Variants in WWOX observed in about 807,000 individuals in gnomAD.
The protein encoded by WWOX is WW domain-containing oxidoreductase.
In WWOX, 69 loss-of-function variants were observed where a neutral mutation model predicts 46.2. That is an observed-to-expected ratio of 1.49 (90% CI 1.23 to 1.82). The LOEUF (loss-of-function observed/expected upper bound fraction) is 1.82. WWOX is among the 40% of genes most tolerant of loss of function. WWOX has a pLI of 0.00. For missense variants in WWOX, 919 were observed against 542.6 expected (o/e 1.69, Z -6.89); for synonymous variants, 359 against 202.6 (o/e 1.77, Z -6.56).
intron 8 of WWOX, among the ~76,000 whole-genome samples, chr16:78,571,381 A>T (rs1348459402): frequency 1.3e-5 from 2 of 152,184 alleles, no homozygotes; most frequent in East Asian, 3.8e-4. Flanking sequence ...ATATATATAT[A>T]GTGTGCATTA....
intron 8 of WWOX, among the ~76,000 whole-genome samples, chr16:78,680,580 G>A: frequency 6.6e-6 from 1 of 152,100 alleles, no homozygotes. Flanking sequence ...ATACTTGAAG[G>A]TAGCCAGTGG....
intron 8 of WWOX, among the ~76,000 whole-genome samples, chr16:78,577,280 G>C (rs1347170795): frequency 1.3e-5 from 2 of 152,208 alleles, no homozygotes; most frequent in African/African-American, 2.4e-5. Flanking sequence ...CAGACTTTCT[G>C]TCCAGTTTGT....
At chr16:79,015,803 G>C (rs1028088628) in intron 8 of WWOX, among the ~76,000 whole-genome samples, 3 of 152,188 alleles carry the variant, frequency 2.0e-5, no homozygotes, top group African/African-American at 7.2e-5. Context: ...CCAAGGTGGA[G>C]TGCAGCGGTG....
intron 5 of WWOX, among the ~76,000 whole-genome samples, chr16:78,363,967 G>A (rs537222871): frequency 6.6e-6 from 1 of 152,164 alleles, no homozygotes; most frequent in Non-Finnish European, 1.5e-5. Context: ...GCTGACATCC[G>A]ACTGACCAAG....
At chr16:78,520,787 T>G (rs1391669582) in intron 8 of WWOX, among the ~76,000 whole-genome samples, 1 of 152,172 alleles carries the variant, frequency 6.6e-6, no homozygotes, top group African/African-American at 2.4e-5. Flanking sequence ...AGAACATCTG[T>G]GATGAGGACT....
intron 5 of WWOX, chr16:78,168,575 T>C (rs2035051814): frequency 6.6e-6 from 1 of 152,146 alleles, no homozygotes; most frequent in Non-Finnish European, 1.5e-5. Context: ...TCCAAGTCTG[T>C]CTGCTCCACC....
intron 8 of WWOX, among the ~76,000 whole-genome samples, chr16:78,575,820 T>C (rs996048168): frequency 1.3e-5 from 2 of 152,178 alleles, no homozygotes; most frequent in African/African-American, 4.8e-5. Flanking sequence ...TACTTTCAGA[T>C]GGAAAATGCC....
chr16:79,091,775 C>CTTT lies in WWOX; in HGVS notation c.1057-119832_1057-119830dup, dbSNP rs771753213. ...CGACCGCATCTTTTTCTTTTCTTTT[C>CTTT]TTTGTTTTTTTTTTTTTTTTTTTTG... On this transcript the variant is annotated intron_variant, in intron 8 of 8. Transcript: ENST00000566780. Among the ~76,000 whole-genome samples, 160 of 126,796 alleles carry CTTT rather than the reference C, an allele frequency of 1.3e-3. 1 individual carries two copies. Among genetic ancestry groups the CTTT allele is most frequent in the Non-Finnish European group, 1.8e-3 (114 of 61,712 alleles). The allele number at this position is 126,796 out of a possible 152,430, so 83.2% of individuals were successfully genotyped here. A position where few individuals can be genotyped will look rare whatever the true frequency, so the allele number is the denominator to read the frequency against.
intron 8 of WWOX, among the ~76,000 whole-genome samples, chr16:79,055,515 T>C (rs1050955800): frequency 6.6e-6 from 1 of 152,196 alleles, no homozygotes; most frequent in Non-Finnish European, 1.5e-5. Flanking sequence ...CTCCATCCAT[T>C]GGAAGTCATC....
intron 8 of WWOX, among the ~76,000 whole-genome samples, chr16:78,887,077 GGTGTGTGTGTGTGTGTGTGT>G (rs749992495): frequency 0.011 from 700 of 61,334 alleles, 3 homozygotes; most frequent in Middle Eastern, 0.032. Flanking sequence ...GTGTGTGTGT[GGTGTGTGTGTGTGTGTGTGT>G]GTGTGTGTGT....
Position 78,768,517 on chromosome 16 carries a change from G to A in WWOX, c.1056+335765G>A, listed in dbSNP as rs1023600218. Among the ~76,000 whole-genome samples the A allele has an allele frequency of 3.2e-4, 49 of 151,936 alleles. 1 individual carries two copies. Among genetic ancestry groups the A allele is most frequent in the African/African-American group, 1.1e-3 (47 of 41,418 alleles). Reference sequence around the variant, plus strand: ...AGAGTGGAAAATCACTTGAACTTGGGAGGCAAAGGTTGCAGTGAGCGGAGA... The same window carrying A: ...AGAGTGGAAAATCACTTGAACTTGGAAGGCAAAGGTTGCAGTGAGCGGAGA... On this transcript the variant is annotated intron_variant, in intron 8 of 8. Transcript: ENST00000566780.
At chr16:78,826,378 C>T (rs2051657697) in intron 8 of WWOX, among the ~76,000 whole-genome samples, 1 of 152,208 alleles carries the variant, frequency 6.6e-6, no homozygotes, top group African/African-American at 2.4e-5. Flanking sequence ...TATTCTCTCA[C>T]AGTTCTGGAG....
intron 8 of WWOX, among the ~76,000 whole-genome samples, chr16:79,125,387 A>C (rs934089004): frequency 6.6e-5 from 10 of 152,188 alleles, no homozygotes; most frequent in Non-Finnish European, 1.0e-4. Context: ...TATGAGGAGA[A>C]TTTGGGATGT....
chr16:78,672,463 G>A (rs1055347360), intron 8 of WWOX, among the ~76,000 whole-genome samples: 5 of 152,298 alleles, frequency 3.3e-5, no homozygotes, highest in South Asian at 2.1e-4. Context: ...CACTCCTCAT[G>A]TTCCGGTTTC....
At chr16:78,375,899 T>C (rs2081810905) in intron 5 of WWOX, among the ~76,000 whole-genome samples, 3 of 149,246 alleles carry the variant, frequency 2.0e-5, no homozygotes, top group African/African-American at 7.4e-5. Flanking sequence ...TTGCCCAGGC[T>C]CGAGTGCAGT....
intron 8 of WWOX, among the ~76,000 whole-genome samples, chr16:78,757,643 TTTTA>T (rs904012529): frequency 3.9e-5 from 6 of 152,146 alleles, no homozygotes; most frequent in South Asian, 2.1e-4. Context: ...AATGAATACA[TTTTA>T]TTTATTTATA....
chr16:78,273,888 C>T (rs1351116581), intron 5 of WWOX, among the ~76,000 whole-genome samples: 1 of 152,048 alleles, frequency 6.6e-6, no homozygotes, highest in Admixed American at 6.6e-5. Context: ...CTGTGGGGCA[C>T]CCAAGTGGAA....
chr16:78,171,723 A>G (rs964836098), intron 5 of WWOX, among the ~76,000 whole-genome samples: 2 of 152,074 alleles, frequency 1.3e-5, no homozygotes, highest in African/African-American at 2.4e-5. Flanking sequence ...TTGCTTTACA[A>G]ATTGTTTTTC....
chr16:79,187,793 T>A (rs764297644), intron 8 of WWOX, among the ~76,000 whole-genome samples: 1 of 152,178 alleles, frequency 6.6e-6, no homozygotes, highest in African/African-American at 2.4e-5. Context: ...GCACTGGCCT[T>A]GGCCTCCCAC....
Sources: allele counts gnomAD v4.1 joint callset (sites outside exome capture counted in the v4.1 genomes callset), GRCh38; gene constraint gnomAD v4.1.1; transcripts MANE v1.5; gene names NCBI Gene and HGNC (gene_info 2026-07-23, HGNC 2026-07-21).